Variants in EFNA5 observed in about 807,000 individuals in gnomAD.
The protein encoded by EFNA5 is ephrin A5.
Under a neutral mutation model 22.9 loss-of-function variants are expected in EFNA5, and 5 were observed. The ratio of observed to expected loss-of-function variants is 0.22; its 90% confidence interval spans 0.11 to 0.46. The LOEUF (loss-of-function observed/expected upper bound fraction) is 0.46. Among genes scored for constraint, EFNA5 ranks in the 20% least tolerant of loss-of-function variants. The pLI is 0.99. For missense variants in EFNA5, 237 were observed against 293.3 expected (o/e 0.81, Z 1.40); for synonymous variants, 113 against 112.2 (o/e 1.01, Z -0.04).
rs539581114 is a variant in EFNA5 at position 107,428,224 on chromosome 5, A to T, written c.126-715T>A. 9.2e-5 allele frequency among the ~76,000 whole-genome samples: 14 copies of T among 152,330 alleles called. No individual in the cohort carries two copies. In the East Asian group the frequency reaches 2.7e-3, roughly 29 times the overall value. On this transcript the variant is annotated intron_variant, in intron 1 of 4. Transcript: ENST00000333274. ...CTTATTTTAGTGCATCTCGATTTTG[A>T]TGCAGCATCTTTTCCATACTGAGAA...
chr5:107,422,819 T>C (rs1300494203), intron 2 of EFNA5, among the ~76,000 whole-genome samples: 1 of 152,160 alleles, frequency 6.6e-6, no homozygotes, highest in East Asian at 1.9e-4. Context: ...CACTGCTCTG[T>C]CAGTGCCATG....
At chr5:107,550,322 C>A (rs1295057941) in intron 1 of EFNA5, among the ~76,000 whole-genome samples, 1 of 152,098 alleles carries the variant, frequency 6.6e-6, no homozygotes, top group African/African-American at 2.4e-5. Context: ...TCATATAATA[C>A]TAATAGTAAA....
chr5:107,625,832 CTTG>C (rs1750130021), intron 1 of EFNA5, among the ~76,000 whole-genome samples: 1 of 152,164 alleles, frequency 6.6e-6, no homozygotes, highest in South Asian at 2.1e-4. Flanking sequence ...AAATCCCTGT[CTTG>C]TTACTATGAT....
At chr5:107,650,286 G>A (rs182140344) in intron 1 of EFNA5, among the ~76,000 whole-genome samples, 1 of 152,192 alleles carries the variant, frequency 6.6e-6, no homozygotes, top group Non-Finnish European at 1.5e-5. Flanking sequence ...AATGGATAAA[G>A]TGTCAAACCC....
intron 1 of EFNA5, among the ~76,000 whole-genome samples, chr5:107,511,455 G>T (rs1441417638): frequency 6.6e-6 from 1 of 152,184 alleles, no homozygotes; most frequent in Non-Finnish European, 1.5e-5. Flanking sequence ...AGTAGTGGTA[G>T]TCAAGCATGA....
chr5:107,479,973 C>T (rs188289937), intron 1 of EFNA5, among the ~76,000 whole-genome samples: 1 of 152,212 alleles, frequency 6.6e-6, no homozygotes, highest in East Asian at 1.9e-4. Flanking sequence ...TCCGAAATTA[C>T]CCTTTTTCAA....
At chr5:107,521,538 T>C (rs923197075) in intron 1 of EFNA5, among the ~76,000 whole-genome samples, 3 of 149,582 alleles carry the variant, frequency 2.0e-5, no homozygotes, top group Non-Finnish European at 3.0e-5. Context: ...CTTAAACTCC[T>C]AGGCTCAAAC....
chr5:107,502,219 C>T (rs1043633055), intron 1 of EFNA5, among the ~76,000 whole-genome samples: 13 of 152,154 alleles, frequency 8.5e-5, no homozygotes, highest in Admixed American at 2.0e-4. Context: ...TCTTAGAAAA[C>T]GAAATGCAGT....
At chr5:107,424,093 G>C (rs146868242) in intron 2 of EFNA5, among the ~76,000 whole-genome samples, 51 of 151,032 alleles carry the variant, frequency 3.4e-4, no homozygotes, top group African/African-American at 1.2e-3. Flanking sequence ...ATCTGTGTTT[G>C]TATCTGAATT....
At chr5:107,396,101 A>C (rs776506613) in intron 2 of EFNA5, among the ~76,000 whole-genome samples, 5 of 152,260 alleles carry the variant, frequency 3.3e-5, no homozygotes, top group Non-Finnish European at 7.3e-5. Context: ...TAAATCATCA[A>C]GTTAATACAA....
At chr5:107,536,345 T>A (rs545448735) in intron 1 of EFNA5, among the ~76,000 whole-genome samples, 33 of 152,366 alleles carry the variant, frequency 2.2e-4, no homozygotes, top group African/African-American at 7.5e-4. Context: ...AGGCATCTGA[T>A]ATTTTTTCTT....
At position 107,393,554 on chromosome 5, in the gene EFNA5, G is replaced by A. The variant is rs146228505; in HGVS notation, c.419-5783C>T. ...GTTTTATTTTTAAGAATATTCAGCC[G>A]CTTTCTTCTTTTTAAAGAAATGAGT... On this transcript the variant is annotated intron_variant, in intron 2 of 4. Transcript: ENST00000333274. Among the ~76,000 whole-genome samples, 561 of 152,210 alleles carry A rather than the reference G, an allele frequency of 3.7e-3. 1 individual carries two copies. The highest frequency in any genetic ancestry group is 6.3e-3 in the Non-Finnish European group (431 of 68,006).
chr5:107,569,585 A>G (rs462529), intron 1 of EFNA5, among the ~76,000 whole-genome samples: 8 of 38,504 alleles, frequency 2.1e-4, no homozygotes, highest in Non-Finnish European at 6.2e-4. Flanking sequence ...ATATATATAT[A>G]TATATATATA....
chr5:107,583,037 A>G (rs542334742), intron 1 of EFNA5, among the ~76,000 whole-genome samples: 30 of 152,318 alleles, frequency 2.0e-4, no homozygotes, highest in African/African-American at 7.0e-4. Context: ...CTAAAGTTCA[A>G]CAACAAGGTC....
intron 1 of EFNA5, among the ~76,000 whole-genome samples, chr5:107,653,260 A>T (rs1750768599): frequency 6.6e-6 from 1 of 151,796 alleles, no homozygotes; most frequent in African/African-American, 2.4e-5. Context: ...TGTACCTTAA[A>T]CTTCACTAAA....
rs140445274 is a variant in EFNA5, at chr5:107,538,098, A to G, written c.126-110589T>C. Among the ~76,000 whole-genome samples the G allele has an allele frequency of 1.2e-4, 19 of 152,294 alleles. No homozygotes were observed. The East Asian group carries it at 3.3e-3, about 26-fold the overall frequency. ...CAGGAAGAGGGGAAGCAGAAGCTCG[A>G]TGTATAATGTGTCTTGTTATAGTCA... is the stretch of plus-strand genomic sequence containing the variant. On this transcript the variant is annotated intron_variant, in intron 1 of 4. Transcript: ENST00000333274.
intron 1 of EFNA5, among the ~76,000 whole-genome samples, chr5:107,624,792 TTG>T (rs753051124): frequency 4.6e-5 from 7 of 152,078 alleles, no homozygotes; most frequent in Non-Finnish European, 8.8e-5. Context: ...CCAAAAAAAT[TTG>T]TGTCTAGTAT....
chr5:107,431,763 G>A (rs1025697205), intron 1 of EFNA5, among the ~76,000 whole-genome samples: 5 of 152,034 alleles, frequency 3.3e-5, no homozygotes, highest in Admixed American at 3.3e-4. Flanking sequence ...CTTCATTCAC[G>A]GATGCAACAA....
chr5:107,594,248 G>A (rs1016736500), intron 1 of EFNA5, among the ~76,000 whole-genome samples: 6 of 152,144 alleles, frequency 3.9e-5, no homozygotes, highest in African/African-American at 1.4e-4. Context: ...TAAAGATTAT[G>A]TATGTAGACA....
Sources: gnomAD v4.1 joint callset for allele counts (sites outside exome capture counted in the v4.1 genomes callset) on GRCh38, gnomAD v4.1.1 for gene constraint, MANE v1.5 for transcripts, NCBI Gene and HGNC (gene_info 2026-07-23, HGNC 2026-07-21) for gene names.